The following CADM2 variants were observed in gnomAD, a reference collection of about 807,000 sequenced individuals.
CADM2 encodes cell adhesion molecule 2.
A neutral mutation model predicts 49.8 loss-of-function variants in CADM2; 12 were observed. The ratio of observed to expected loss-of-function variants is 0.24; its 90% confidence interval spans 0.15 to 0.39. The LOEUF (loss-of-function observed/expected upper bound fraction) is 0.39. Among genes scored for constraint, CADM2 ranks in the 10% least tolerant of loss-of-function variants. The pLI is 1.00. For synonymous variants in CADM2, 214 were observed against 175.4 expected, an observed-to-expected ratio of 1.22 and a Z score of -1.74; for missense variants, 378 against 492.3, an observed-to-expected ratio of 0.77 and a Z score of 2.20.
At position 85,084,630 on chromosome 3, in the gene CADM2, A is replaced by G. The variant is rs973725838; in HGVS notation, c.61+124962A>G. On this transcript the variant is annotated intron_variant, in intron 1 of 9. Transcript: ENST00000383699. ...TACATGGTGAAATGATAATATTTTC[A>G]TAAGCTGGGTTAAATAAAATACATT... is the stretch of plus-strand genomic sequence containing the variant. Among the ~76,000 whole-genome samples the G allele has an allele frequency of 2.0e-5, 3 of 152,318 alleles. 1 individual carries two copies. In the East Asian group the frequency reaches 5.8e-4, roughly 29 times the overall value.
chr3:85,407,101 C>T (rs191799034), intron 1 of CADM2, among the ~76,000 whole-genome samples: 1 of 152,184 alleles, frequency 6.6e-6, no homozygotes, highest in African/African-American at 2.4e-5. Flanking sequence ...ACTGGAAAGT[C>T]TAAGGTGGGA....
intron 1 of CADM2, among the ~76,000 whole-genome samples, chr3:85,658,899 G>A (rs1174101175): frequency 6.7e-6 from 1 of 150,184 alleles, no homozygotes; most frequent in Non-Finnish European, 1.5e-5. Flanking sequence ...AAAACATAAA[G>A]CAATTAGCCA....
chr3:84,959,745 C>G, intron 1 of CADM2, 77 bp downstream of exon 1: 1 of 1,326,092 alleles, frequency 7.5e-7, no homozygotes, highest in Non-Finnish European at 1.0e-6. Context: ...CATATTTCCA[C>G]TCTCCCCTCC....
At chr3:85,597,388 G>A (rs1375462835) in intron 1 of CADM2, among the ~76,000 whole-genome samples, 1 of 151,970 alleles carries the variant, frequency 6.6e-6, no homozygotes, top group Non-Finnish European at 1.5e-5. Context: ...TATCTTAAAT[G>A]TTATTTATTA....
intron 1 of CADM2, among the ~76,000 whole-genome samples, chr3:85,380,488 T>C (rs893944741): frequency 6.6e-6 from 1 of 151,964 alleles, no homozygotes; most frequent in African/African-American, 2.4e-5. Flanking sequence ...ATATGTAATG[T>C]GGAACCCAAT....
chr3:85,969,305 CA>C (rs767685598), intron 8 of CADM2, among the ~76,000 whole-genome samples: 2 of 151,432 alleles, frequency 1.3e-5, no homozygotes, highest in Non-Finnish European at 3.0e-5. Context: ...TCACTCTTCA[CA>C]CACCCACTTC....
chr3:85,881,405 T>G (rs973183718), intron 3 of CADM2, among the ~76,000 whole-genome samples: 4 of 152,188 alleles, frequency 2.6e-5, no homozygotes, highest in African/African-American at 7.2e-5. Context: ...TTATTTTTTC[T>G]CATTCGGTTA....
chr3:85,442,299 A>T (rs187160189), intron 1 of CADM2, among the ~76,000 whole-genome samples: 2 of 152,108 alleles, frequency 1.3e-5, no homozygotes, highest in African/African-American at 4.8e-5. Context: ...ACATACTGAC[A>T]GAATTCTCCT....
chr3:85,884,457 G>T, intron 4 of CADM2, among the ~76,000 whole-genome samples: 1 of 152,072 alleles, frequency 6.6e-6, no homozygotes, highest in East Asian at 1.9e-4. Flanking sequence ...GACAAAATAT[G>T]CCCTCTAAAA....
chr3:85,751,488 G>T (rs147241637), intron 2 of CADM2, among the ~76,000 whole-genome samples: 135 of 152,130 alleles, frequency 8.9e-4, no homozygotes, highest in African/African-American at 3.1e-3. Context: ...CTATTTCATG[G>T]AAAGGTTATT....
At chr3:85,420,250 A>G (rs1301886204) in intron 1 of CADM2, among the ~76,000 whole-genome samples, 1 of 152,192 alleles carries the variant, frequency 6.6e-6, no homozygotes, top group Admixed American at 6.5e-5. Flanking sequence ...AATTACAAGT[A>G]ACTTCTAATA....
chr3:85,345,671 C>T (rs2030559063), intron 1 of CADM2, among the ~76,000 whole-genome samples: 1 of 152,140 alleles, frequency 6.6e-6, no homozygotes, highest in Non-Finnish European at 1.5e-5. Context: ...TTGAAGGATA[C>T]ATAGGAGGCA....
Position 85,461,477 on chromosome 3 carries a change from G to T in CADM2, c.62-265045G>T, listed in dbSNP as rs554374478. On this transcript the variant is annotated intron_variant, in intron 1 of 9. Transcript: ENST00000383699. ...ATTATTGATATTTTAGTTTACTTAGGAAAAATTGTAAGCTACAAACCATAT... is the reference window on the plus strand; with the variant it reads ...ATTATTGATATTTTAGTTTACTTAGTAAAAATTGTAAGCTACAAACCATAT... 2.6e-5 allele frequency among the ~76,000 whole-genome samples: 4 copies of T among 152,136 alleles called. No homozygotes were observed. The South Asian group carries it at 8.3e-4, about 32-fold the overall frequency.
intron 2 of CADM2, among the ~76,000 whole-genome samples, chr3:85,768,446 A>AAAATAAAT (rs200753994): frequency 3.7e-5 from 5 of 135,502 alleles, no homozygotes; most frequent in African/African-American, 8.1e-5. Flanking sequence ...ACTCCATCTC[A>AAAATAAAT]AAATAAATAA....
intron 1 of CADM2, among the ~76,000 whole-genome samples, chr3:85,641,949 G>T (rs930249272): frequency 1.3e-5 from 2 of 152,004 alleles, no homozygotes; most frequent in African/African-American, 4.8e-5. Flanking sequence ...TTAAAAAAAA[G>T]AAAGAATGCA....
intron 1 of CADM2, among the ~76,000 whole-genome samples, chr3:84,967,825 G>GAT (rs750501920): frequency 8.8e-4 from 134 of 152,066 alleles, no homozygotes; most frequent in Non-Finnish European, 1.5e-3. Flanking sequence ...AATGTGTATT[G>GAT]ACTTGTTTTT....
chr3:85,118,160 A>G (rs1378782824), intron 1 of CADM2, among the ~76,000 whole-genome samples: 2 of 151,428 alleles, frequency 1.3e-5, no homozygotes, highest in East Asian at 3.9e-4. Context: ...AAGGATTGTG[A>G]TATTAACTTA....
At chr3:85,326,998 C>T (rs994888418) in intron 1 of CADM2, among the ~76,000 whole-genome samples, 1 of 151,428 alleles carries the variant, frequency 6.6e-6, no homozygotes, top group Non-Finnish European at 1.5e-5. Context: ...CTTATTCTAC[C>T]ATTTTGTTTG....
intron 1 of CADM2, among the ~76,000 whole-genome samples, chr3:85,477,139 C>G (rs918495632): frequency 2.0e-5 from 3 of 151,442 alleles, no homozygotes; most frequent in Admixed American, 1.3e-4. Flanking sequence ...TCCCAAACCT[C>G]GAGAGGCAAG....
Sources: gnomAD v4.1 joint callset for allele counts (sites outside exome capture counted in the v4.1 genomes callset) on GRCh38, gnomAD v4.1.1 for gene constraint, MANE v1.5 for transcripts, NCBI Gene and HGNC (gene_info 2026-07-23, HGNC 2026-07-21) for gene names.